PIK3C2G: variants seen among roughly 807,000 people sequenced by gnomAD.
The protein encoded by PIK3C2G is phosphatidylinositol-4-phosphate 3-kinase catalytic subunit type 2 gamma, also known as phosphatidylinositol 3-kinase C2 domain-containing subunit gamma.
Under a neutral mutation model 181.1 loss-of-function variants are expected in PIK3C2G, and 168 were observed. The ratio of observed to expected loss-of-function variants is 0.93; its 90% confidence interval spans 0.82 to 1.05. The LOEUF is 1.05. Among genes scored for constraint, PIK3C2G ranks in the 50% least tolerant of loss-of-function variants. The pLI is 0.00. For missense variants in PIK3C2G, 1,869 were observed against 1,732.8 expected, an observed-to-expected ratio of 1.08 and a Z score of -1.40; for synonymous variants, 573 against 592.2, an observed-to-expected ratio of 0.97 and a Z score of 0.47.
upstream of PIK3C2G, among the ~76,000 whole-genome samples, chr12:18,257,007 G>C (rs926943831): frequency 2.6e-5 from 4 of 152,050 alleles, no homozygotes; most frequent in African/African-American, 9.7e-5. Context: ...TGTCACTTCT[G>C]TCTCTGGATT....
intron 18 of PIK3C2G, among the ~76,000 whole-genome samples, chr12:18,465,576 C>T (rs955207385): frequency 6.6e-6 from 1 of 151,786 alleles, no homozygotes; most frequent in African/African-American, 2.4e-5. Context: ...GAATATACAA[C>T]TCTAGGTTGG....
chr12:18,706,295 T>C, the PIK3C2G span, among the ~76,000 whole-genome samples: 1 of 151,252 alleles, frequency 6.6e-6, no homozygotes, highest in African/African-American at 2.4e-5. Context: ...TAGAAAGTTA[T>C]CTACGGGTTT....
rs764099520 is a variant in PIK3C2G at position 18,609,625 on chromosome 12, A to G, written c.4178A>G (p.Asn1393Ser). 4 of 1,538,950 alleles carry G rather than the reference A, an allele frequency of 2.6e-6. No individual in the cohort carries two copies. In the South Asian group the frequency reaches 4.7e-5, roughly 18 times the overall value. Reference sequence around the variant, plus strand: ...ACCATACTAGTGAAACACATGAAAAACATTGTAAGTTTATTATGTATAATA... The same window carrying G: ...ACCATACTAGTGAAACACATGAAAAGCATTGTAAGTTTATTATGTATAATA... ...KLTILVKHMK[N>S]IHLPDGSAPS... The change falls in exon 31 of 33, where the codon AAC becomes AGC. Residue 1393 changes from asparagine to serine, a missense_variant. Coordinates refer to ENST00000538779, the MANE Select transcript of PIK3C2G (RefSeq NM_001288772.2).
chr12:18,316,368 T>C (rs949123950), intron 6 of PIK3C2G, among the ~76,000 whole-genome samples: 3 of 152,340 alleles, frequency 2.0e-5, no homozygotes, highest in South Asian at 2.1e-4. Context: ...ATCACCGTTG[T>C]TGTCATGTCC....
At chr12:18,476,661 G>C (rs1335651914) in intron 18 of PIK3C2G, among the ~76,000 whole-genome samples, 1 of 152,058 alleles carries the variant, frequency 6.6e-6, no homozygotes, top group Non-Finnish European at 1.5e-5. Flanking sequence ...ACTTGATGTT[G>C]GGGATGAAGG....
chr12:18,581,348 T>C (rs527747197), intron 29 of PIK3C2G, among the ~76,000 whole-genome samples: 41 of 152,208 alleles, frequency 2.7e-4, no homozygotes, highest in South Asian at 1.0e-3. Context: ...TAAAACCTCA[T>C]AGAGCATTTC....
At chr12:18,605,042 G>A (rs948112973) in intron 30 of PIK3C2G, among the ~76,000 whole-genome samples, 1 of 152,088 alleles carries the variant, frequency 6.6e-6, no homozygotes, top group Non-Finnish European at 1.5e-5. Flanking sequence ...ACCAAGATCA[G>A]AGCAGAACTA....
chr12:18,621,512 C>G (rs1210102553), intron 31 of PIK3C2G, among the ~76,000 whole-genome samples: 2 of 151,470 alleles, frequency 1.3e-5, no homozygotes, highest in African/African-American at 4.8e-5. Flanking sequence ...TTCGTCAAGT[C>G]AAAGATTAAA....
chr12:18,266,535 C>G (rs911171440), intron 1 of PIK3C2G, among the ~76,000 whole-genome samples: 3 of 151,962 alleles, frequency 2.0e-5, no homozygotes, highest in Admixed American at 6.6e-5. Context: ...ACTATTAGTT[C>G]CCTATTATTG....
chr12:18,498,113 C>G (rs1464059230), intron 22 of PIK3C2G, among the ~76,000 whole-genome samples: 1 of 152,124 alleles, frequency 6.6e-6, no homozygotes, highest in Non-Finnish European at 1.5e-5. Context: ...AACACAAAAT[C>G]TACACATTTT....
the PIK3C2G span, among the ~76,000 whole-genome samples, chr12:18,680,264 TTC>T: frequency 6.6e-6 from 1 of 152,030 alleles, no homozygotes; most frequent in Non-Finnish European, 1.5e-5. Context: ...CAGCACAAGC[TTC>T]TTCCTAGTGT....
intron 9 of PIK3C2G, among the ~76,000 whole-genome samples, chr12:18,341,735 C>A (rs1291099623): frequency 6.6e-6 from 1 of 152,128 alleles, no homozygotes; most frequent in Non-Finnish European, 1.5e-5. Context: ...GTTAACAATG[C>A]CAAAGCAGTC....
At chr12:18,447,242 C>A (rs1364519805) in intron 18 of PIK3C2G, among the ~76,000 whole-genome samples, 1 of 152,088 alleles carries the variant, frequency 6.6e-6, no homozygotes, top group Non-Finnish European at 1.5e-5. Flanking sequence ...GACAGTGGCC[C>A]TTTTTGCTTG....
intron 14 of PIK3C2G, among the ~76,000 whole-genome samples, chr12:18,382,886 T>G (rs542787498): frequency 2.0e-5 from 3 of 152,054 alleles, no homozygotes; most frequent in Non-Finnish European, 4.4e-5. Context: ...CAGAAAAATA[T>G]TTAACATGGA....
intron 14 of PIK3C2G, among the ~76,000 whole-genome samples, chr12:18,387,119 T>G (rs1017237360): frequency 6.6e-6 from 1 of 152,190 alleles, no homozygotes; most frequent in Non-Finnish European, 1.5e-5. Context: ...TCTTGTCTCC[T>G]TCCTTCTTTC....
chr12:18,255,252 T>TAAACAAAA (rs1948134633), intron 1 of PIK3C2G, among the ~76,000 whole-genome samples: 1 of 143,648 alleles, frequency 7.0e-6, no homozygotes, highest in Non-Finnish European at 1.5e-5. Context: ...AATAAATAAA[T>TAAACAAAA]AAACAAACAA....
rs887302525 is a variant in PIK3C2G at position 18,320,853 on chromosome 12, G to T, written c.1138-109G>T. On this transcript the variant is annotated intron_variant, in intron 6 of 32. Transcript: ENST00000538779. ...ACAGAATATAAAAGCGATGAATGAG[G>T]TTTATCAAAATAGGTGAATAAAATG... 9.0e-6 allele frequency: 6 copies of T among 667,152 alleles called. No individual in the cohort carries two copies. The Admixed American group carries it at 1.4e-4, about 16-fold the overall frequency. 41.3% of individuals were successfully genotyped at this position (667,152 alleles called of 1,614,324 possible). A position where few individuals can be genotyped will look rare whatever the true frequency, so the allele number is the denominator to read the frequency against.
At chr12:18,338,084 C>G (rs1938717994) in intron 8 of PIK3C2G, among the ~76,000 whole-genome samples, 1 of 152,074 alleles carries the variant, frequency 6.6e-6, no homozygotes, top group African/African-American at 2.4e-5. Flanking sequence ...CCCTGCTTTC[C>G]CCACACTTCT....
chr12:18,417,253 A>G (rs772714915), intron 16 of PIK3C2G, among the ~76,000 whole-genome samples: 7 of 152,170 alleles, frequency 4.6e-5, no homozygotes, highest in Non-Finnish European at 1.0e-4. Flanking sequence ...AGCAAAAAAG[A>G]GTGGTTTCTT....
Sources: allele counts gnomAD v4.1 joint callset (sites outside exome capture counted in the v4.1 genomes callset), GRCh38; gene constraint gnomAD v4.1.1; transcripts MANE v1.5; gene names NCBI Gene and HGNC (gene_info 2026-07-23, HGNC 2026-07-21).